The following NTNG1 variants were observed in gnomAD, a reference collection of about 807,000 sequenced individuals.
NTNG1 encodes the protein netrin G1.
NTNG1 carries 16 observed loss-of-function variants against 54.0 expected under a neutral mutation model. The ratio of observed to expected loss-of-function variants is 0.30; its 90% CI spans 0.20 to 0.45. The LOEUF is 0.45. Among genes scored for constraint, NTNG1 ranks in the 20% least tolerant of loss-of-function variants. The pLI is 1.00. For missense variants in NTNG1, 530 were observed against 678.7 expected (o/e 0.78, Z 2.43); for synonymous variants, 255 against 263.1 (o/e 0.97, Z 0.30).
chr1:107,310,871 A>G (rs6671430), intron 2 of NTNG1, among the ~76,000 whole-genome samples: 74,661 of 151,818 alleles, frequency 0.49, 21,142 homozygotes, highest in Non-Finnish European at 0.62. Flanking sequence ...CTTCTTTAAA[A>G]AAAAAATAAA....
chr1:107,293,774 A>T (rs1031971842), intron 2 of NTNG1, among the ~76,000 whole-genome samples: 1 of 152,190 alleles, frequency 6.6e-6, no homozygotes, highest in Non-Finnish European at 1.5e-5. Flanking sequence ...AAAATTAACT[A>T]TTTTTTAATG....
At chr1:107,376,921 T>A (rs1031571567) in intron 3 of NTNG1, among the ~76,000 whole-genome samples, 4 of 152,198 alleles carry the variant, frequency 2.6e-5, no homozygotes, top group African/African-American at 9.6e-5. Context: ...CAAATGAAGA[T>A]CACTGCCTCT....
chr1:107,332,825 A>G (rs1383533524), intron 3 of NTNG1, among the ~76,000 whole-genome samples: 1 of 152,072 alleles, frequency 6.6e-6, no homozygotes, highest in Non-Finnish European at 1.5e-5. Context: ...TATTAGTTTA[A>G]CCAGAAATGA....
rs148401087 is a variant in NTNG1 at position 107,478,197 on chromosome 1, T to C, written c.1391-2414T>C. ...ATTCCAACAGTTAGAGGGCACTGTATGTATGGTAAAGTTCTGTATTTGTTG... is the reference window on the plus strand; with the variant it reads ...ATTCCAACAGTTAGAGGGCACTGTACGTATGGTAAAGTTCTGTATTTGTTG... On this transcript the variant is annotated intron_variant, in intron 7 of 7. Transcript: ENST00000370068. 1.7e-3 allele frequency among the ~76,000 whole-genome samples: 257 copies of C among 152,334 alleles called. 3 individuals carry two copies. The highest frequency in any genetic ancestry group is 5.8e-3 in the African/African-American group (242 of 41,578).
chr1:107,205,651 A>G (rs1168518346), intron 2 of NTNG1, among the ~76,000 whole-genome samples: 1 of 152,100 alleles, frequency 6.6e-6, no homozygotes, highest in African/African-American at 2.4e-5. Context: ...TAATCCGTCT[A>G]ACATACACGC....
At chr1:107,190,906 T>A (rs1178560679) in intron 2 of NTNG1, among the ~76,000 whole-genome samples, 1 of 152,192 alleles carries the variant, frequency 6.6e-6, no homozygotes. Flanking sequence ...TGTGTCTTTA[T>A]AGCAGCATGA....
chr1:107,260,840 T>G (rs980981435), intron 2 of NTNG1: 19 of 152,358 alleles, frequency 1.2e-4, no homozygotes, highest in Non-Finnish European at 2.9e-5. Context: ...GTTGGCATTT[T>G]CTGCTGCTTC....
intron 3 of NTNG1, among the ~76,000 whole-genome samples, chr1:107,375,409 T>C (rs927491287): frequency 2.6e-5 from 4 of 152,234 alleles, no homozygotes; most frequent in Non-Finnish European, 4.4e-5. Context: ...TGACTTGTTG[T>C]TGCTGTTGTT....
intron 6 of NTNG1, 64 bp downstream of exon 6, chr1:107,430,981 G>T: frequency 2.6e-6 from 4 of 1,520,576 alleles, no homozygotes; most frequent in Non-Finnish European, 3.6e-6. Flanking sequence ...GATATTTAGG[G>T]TGGAGAGGCT....
chr1:107,342,013 A>G (rs1388147260), intron 3 of NTNG1, among the ~76,000 whole-genome samples: 1 of 152,102 alleles, frequency 6.6e-6, no homozygotes, highest in Non-Finnish European at 1.5e-5. Flanking sequence ...TAAAGAAGAT[A>G]GGATAAAAAC....
intron 2 of NTNG1, among the ~76,000 whole-genome samples, chr1:107,267,226 T>C (rs1190073008): frequency 6.6e-6 from 1 of 152,180 alleles, no homozygotes; most frequent in East Asian, 1.9e-4. Flanking sequence ...AGATAATACA[T>C]CTTAAACACC....
chr1:107,294,764 A>T (rs1412885667), intron 2 of NTNG1, among the ~76,000 whole-genome samples: 1 of 152,142 alleles, frequency 6.6e-6, no homozygotes, highest in Non-Finnish European at 1.5e-5. Context: ...TTTAGTGTTC[A>T]TCTGGAATCC....
In NTNG1 at chr1:107,483,747, C is replaced by A. The variant is rs1678868869; in HGVS notation, c.*2907C>A. Among the ~76,000 whole-genome samples, 2 of 152,166 alleles carry A rather than the reference C, an allele frequency of 1.3e-5. No homozygotes were observed. Among genetic ancestry groups the A allele is most frequent in the Non-Finnish European group, 2.9e-5 (2 of 68,034 alleles). The stretch of plus-strand genomic sequence containing the variant: ...TAGTCTTGCATATGAGTTAATCTAT[C>A]AACTTTCCCACATAGAACTGATATA... On this transcript the variant is annotated 3_prime_UTR_variant, in exon 8 of 8. Transcript: ENST00000370068.
intron 3 of NTNG1, among the ~76,000 whole-genome samples, chr1:107,368,996 T>A (rs891996207): frequency 5.3e-5 from 8 of 152,214 alleles, no homozygotes; most frequent in African/African-American, 1.9e-4. Flanking sequence ...GTTTTACAGA[T>A]TAGTTTGCAT....
intron 2 of NTNG1, among the ~76,000 whole-genome samples, chr1:107,196,105 A>T (rs905022357): frequency 5.3e-5 from 8 of 152,020 alleles, no homozygotes; most frequent in African/African-American, 1.7e-4. Context: ...CTTTGGTTTA[A>T]TGACTTCCTA....
chr1:107,155,410 T>C (rs1000111799), intron 2 of NTNG1, among the ~76,000 whole-genome samples: 3 of 152,104 alleles, frequency 2.0e-5, no homozygotes, highest in African/African-American at 7.2e-5. Flanking sequence ...TTTTAACTCA[T>C]GTTAAATCTC....
In NTNG1 at chr1:107,436,454, A is replaced by G. The variant is rs572602580; in HGVS notation, c.1256-211A>G. Reference sequence around the variant, plus strand: ...ATGTCTTATTTCCTTGGAAGTTTTCAGTTGATTTCCTCCCATATCATAAAA... The same window carrying G: ...ATGTCTTATTTCCTTGGAAGTTTTCGGTTGATTTCCTCCCATATCATAAAA... On this transcript the variant is annotated intron_variant, in intron 6 of 7. Coordinates refer to ENST00000370068, the MANE Select transcript of NTNG1 (RefSeq NM_001113226.3). Among the ~76,000 whole-genome samples the G allele has an allele frequency of 3.3e-5, 5 of 152,352 alleles. No individual in the cohort carries two copies. In the East Asian group the frequency reaches 7.7e-4, roughly 24 times the overall value.
At chr1:107,229,229 A>G (rs1338086509) in intron 2 of NTNG1, among the ~76,000 whole-genome samples, 1 of 151,466 alleles carries the variant, frequency 6.6e-6, no homozygotes, top group Non-Finnish European at 1.5e-5. Flanking sequence ...CAGGGCAATC[A>G]ATCTTTGCTC....
intron 5 of NTNG1, among the ~76,000 whole-genome samples, chr1:107,429,282 C>G (rs1178570552): frequency 6.6e-6 from 1 of 152,094 alleles, no homozygotes; most frequent in African/African-American, 2.4e-5. Context: ...TTGTTATCAG[C>G]TTCCTATTGT....
Sources: allele counts gnomAD v4.1 joint callset (sites outside exome capture counted in the v4.1 genomes callset), GRCh38; gene constraint gnomAD v4.1.1; transcripts MANE v1.5; gene names NCBI Gene and HGNC (gene_info 2026-07-23, HGNC 2026-07-21).